GAREM1: variants seen among roughly 807,000 people sequenced by gnomAD.
GAREM1 encodes GRB2-associated and regulator of MAPK protein 1.
GAREM1 carries 26 observed loss-of-function variants against 71.3 expected under a neutral mutation model. The ratio of observed to expected loss-of-function variants is 0.36; its 90% confidence interval spans 0.27 to 0.51. The LOEUF (loss-of-function observed/expected upper bound fraction) is 0.51. Among genes scored for constraint, GAREM1 ranks in the 20% least tolerant of loss-of-function variants. The pLI is 0.95. For missense variants in GAREM1, 1,026 were observed against 1,103.1 expected (o/e 0.93, Z 0.99); for synonymous variants, 440 against 433.2 (o/e 1.02, Z -0.20).
intron 4 of GAREM1, among the ~76,000 whole-genome samples, chr18:32,285,678 A>G (rs1056582010): frequency 1.3e-5 from 2 of 152,102 alleles, no homozygotes; most frequent in Non-Finnish European, 2.9e-5. Context: ...TTCTCCACAC[A>G]TTATCTCTCT....
intron 1 of GAREM1, among the ~76,000 whole-genome samples, chr18:32,395,093 G>A (rs781128977): frequency 1.3e-5 from 2 of 152,184 alleles, no homozygotes; most frequent in Admixed American, 6.5e-5. Context: ...GTTAGGAAAT[G>A]ACCTTCAGAG....
intron 2 of GAREM1, among the ~76,000 whole-genome samples, chr18:32,376,690 TAGCC>T (rs1433880274): frequency 1.3e-5 from 2 of 151,384 alleles, no homozygotes; most frequent in Admixed American, 1.3e-4. Flanking sequence ...ATGCAAAAAT[TAGCC>T]AGGCGTGGTG....
rs182409783 is a variant in GAREM1, at chr18:32,382,713, C to T, written c.262+10182G>A. ...TGATTGGAGGAGGAAAGGGAGGCAC[C>T]TTGCTCTTTAGAGCAAGGGAGACAC... On this transcript the variant is annotated intron_variant, in intron 2 of 5. Coordinates refer to ENST00000269209, the MANE Select transcript of GAREM1 (RefSeq NM_001242409.2). Among the ~76,000 whole-genome samples, 200 of 152,108 alleles carry T rather than the reference C, an allele frequency of 1.3e-3. 1 individual carries two copies. The highest frequency in any genetic ancestry group is 4.5e-3 in the African/African-American group (187 of 41,488).
Position 32,287,001 on chromosome 18 carries a change from G to A in GAREM1, c.1566+30C>T. On this transcript the variant is annotated intron_variant, in intron 4 of 5. Coordinates refer to ENST00000269209, the MANE Select transcript of GAREM1 (RefSeq NM_001242409.2). This position sits in a 1 kb window ranked among gnomAD's most constrained non-coding sequence, Gnocchi z 5.9. ...ACTGAGCAGAGAGACAGAAAGACTG[G>A]CACCGCATTCAAAAACAGAAATGAC... 6.8e-7 allele frequency: 1 copy of A among 1,465,118 alleles called. No individual in the cohort carries two copies. The highest frequency in any genetic ancestry group is 9.5e-7 in the Non-Finnish European group (1 of 1,049,800). 90.8% of individuals were successfully genotyped at this position (1,465,118 alleles called of 1,614,324 possible). A position where few individuals can be genotyped will look rare whatever the true frequency, so the allele number is the denominator to read the frequency against.
At chr18:32,344,607 G>A (rs2047676947) in intron 2 of GAREM1, among the ~76,000 whole-genome samples, 1 of 151,726 alleles carries the variant, frequency 6.6e-6, no homozygotes, top group African/African-American at 2.4e-5. Context: ...ATAATATTTT[G>A]GAAATTAAAT....
At position 32,443,387 on chromosome 18, in the gene GAREM1, T is replaced by G. The variant is rs746902214; in HGVS notation, c.121+26921A>C. Among the ~76,000 whole-genome samples the G allele has an allele frequency of 4.4e-4, 67 of 152,074 alleles. 1 individual carries two copies. The highest frequency in any genetic ancestry group is 3.7e-4 in the Non-Finnish European group (25 of 67,980). ...GTAGAAGAAAGTATTTACAAAACAT[T>G]TATCTGATAAAGAATTTGTATCCAA... On this transcript the variant is annotated intron_variant, in intron 1 of 5. Coordinates refer to ENST00000269209, the MANE Select transcript of GAREM1 (RefSeq NM_001242409.2).
chr18:32,412,200 G>C, intron 1 of GAREM1: 2 of 1,561,302 alleles, frequency 1.3e-6, no homozygotes, highest in Non-Finnish European at 1.7e-6. Context: ...CTCCTGCTAA[G>C]CTTTGTTTCC....
At chr18:32,387,034 T>A (rs77396551) in intron 2 of GAREM1, among the ~76,000 whole-genome samples, 1,054 of 67,112 alleles carry the variant, frequency 0.016, 5 homozygotes, top group African/African-American at 0.028. Context: ...TTTTTTTTTT[T>A]AAAAAAAAAT....
chr18:32,339,056 G>A (rs1259701961), intron 2 of GAREM1, among the ~76,000 whole-genome samples: 3 of 152,052 alleles, frequency 2.0e-5, no homozygotes, highest in East Asian at 3.9e-4. Context: ...CAGCACTTTG[G>A]ACTTGTACCT....
intron 2 of GAREM1, among the ~76,000 whole-genome samples, 158 bp downstream of exon 2, chr18:32,392,737 A>G (rs768437214): frequency 6.6e-6 from 1 of 152,206 alleles, no homozygotes; most frequent in African/African-American, 2.4e-5. Context: ...CTTCTAACAA[A>G]ATGAATCTGA....
intron 1 of GAREM1, among the ~76,000 whole-genome samples, chr18:32,415,655 T>A (rs1369770314): frequency 6.6e-6 from 1 of 152,074 alleles, no homozygotes. Flanking sequence ...TGAAAAATCA[T>A]TTGATAAAGC....
At chr18:32,327,922 A>T (rs1035656829) in intron 2 of GAREM1, among the ~76,000 whole-genome samples, 3 of 152,206 alleles carry the variant, frequency 2.0e-5, no homozygotes, top group African/African-American at 7.2e-5. Context: ...AAATGAGGCC[A>T]TATAGGTACA....
At chr18:32,450,849 C>T (rs1278287905) in intron 1 of GAREM1, among the ~76,000 whole-genome samples, 2 of 152,018 alleles carry the variant, frequency 1.3e-5, no homozygotes, top group African/African-American at 2.4e-5. Context: ...TTTAAGGGGC[C>T]AGGGCATGAT....
At chr18:32,400,870 T>C (rs1221088332) in intron 1 of GAREM1, among the ~76,000 whole-genome samples, 2 of 152,112 alleles carry the variant, frequency 1.3e-5, no homozygotes, top group African/African-American at 4.8e-5. Flanking sequence ...AAGACACATG[T>C]ACACATATGT....
rs761214690 is a variant in GAREM1, at chr18:32,392,880, T to C, written c.262+15A>G. 2 of 1,610,690 alleles carry C rather than the reference T, an allele frequency of 1.2e-6. No homozygotes were observed. Among genetic ancestry groups the C allele is most frequent in the Admixed American group, 1.7e-5 (1 of 59,878 alleles). ...TTCTCTCGCTGCCTCATCTTGGCCC[T>C]TGGAGGAGTCTTACCTGCATAATGT... On this transcript the variant is annotated intron_variant, in intron 2 of 5. Transcript: ENST00000269209.
chr18:32,464,708 A>T (rs551570446), intron 1 of GAREM1, among the ~76,000 whole-genome samples: 1 of 152,312 alleles, frequency 6.6e-6, no homozygotes, highest in Non-Finnish European at 1.5e-5. Context: ...GTACAAAGAC[A>T]ATAAAACCTG....
intron 2 of GAREM1, among the ~76,000 whole-genome samples, chr18:32,322,373 T>A (rs1336983873): frequency 4.6e-5 from 7 of 152,122 alleles, no homozygotes; most frequent in Non-Finnish European, 4.4e-5. Context: ...TCCATCTAGA[T>A]CCATCCACAG....
chr18:32,428,932 A>AG (rs1208956156), intron 1 of GAREM1, among the ~76,000 whole-genome samples: 1 of 148,996 alleles, frequency 6.7e-6, no homozygotes, highest in African/African-American at 2.5e-5. Flanking sequence ...CAGTAGTTCA[A>AG]GTTTTTTTTT....
At position 32,320,597 on chromosome 18, in the gene GAREM1, C is replaced by T. The variant is rs1250123859; in HGVS notation, c.263-10274G>A. Among the ~76,000 whole-genome samples the T allele has an allele frequency of 2.0e-5, 3 of 152,024 alleles. No homozygotes were observed. In the East Asian group the frequency reaches 5.8e-4, roughly 29 times the overall value. ...ATCAATCAAAAATAATGAACTGCAC[C>T]ATAGATAATCTGTGGTTATTTCTAT... On this transcript the variant is annotated intron_variant, in intron 2 of 5. Coordinates refer to ENST00000269209, the MANE Select transcript of GAREM1 (RefSeq NM_001242409.2).
Sources: allele counts gnomAD v4.1 joint callset (sites outside exome capture counted in the v4.1 genomes callset), GRCh38; gene constraint gnomAD v4.1.1; non-coding constraint Gnocchi (gnomAD v3.1); transcripts MANE v1.5; gene names NCBI Gene and HGNC (gene_info 2026-07-23, HGNC 2026-07-21).